ATP10B: variants seen among roughly 807,000 people sequenced by gnomAD.
ATP10B encodes the protein ATPase phospholipid transporting 10B (putative), also known as phospholipid-transporting ATPase VB.
In ATP10B, 122 loss-of-function variants were observed where a neutral mutation model predicts 141.2. That is an observed-to-expected ratio of 0.86 (90% confidence interval 0.75 to 1.00). ATP10B has a LOEUF of 1.00. Ranked by LOEUF, ATP10B falls within the 50% of genes least tolerant of loss-of-function variation. The pLI, the probability that ATP10B is intolerant of heterozygous loss-of-function variation, is 0.00. For missense variants in ATP10B, 1,876 were observed against 1,825.3 expected (o/e 1.03, Z -0.51); for synonymous variants, 685 against 692.0 (o/e 0.99, Z 0.16).
At chr5:160,751,403 T>C (rs1768142110) in intron 2 of ATP10B, among the ~76,000 whole-genome samples, 2 of 152,244 alleles carry the variant, frequency 1.3e-5, no homozygotes, top group Admixed American at 6.5e-5. Flanking sequence ...TAATGTTGTT[T>C]TTCCCTCAAG....
At chr5:160,674,980 C>G (rs1397411065) in intron 6 of ATP10B, among the ~76,000 whole-genome samples, 2 of 152,210 alleles carry the variant, frequency 1.3e-5, no homozygotes, top group African/African-American at 2.4e-5. Context: ...GTCTCCTCCA[C>G]TGTCAGGACC....
At chr5:160,684,892 A>T (rs1397539598) in intron 6 of ATP10B, 1 of 703,322 alleles carries the variant, frequency 1.4e-6, no homozygotes, top group South Asian at 1.5e-5. Context: ...GTACCTCCGG[A>T]GGTCTTCCCA....
chr5:160,904,260 G>A, the ATP10B span, among the ~76,000 whole-genome samples: 1 of 152,112 alleles, frequency 6.6e-6, no homozygotes, highest in Non-Finnish European at 1.5e-5. Flanking sequence ...AGACTGCCAG[G>A]GTTTCCACTT....
At chr5:160,663,102 C>G (rs1762058325) in intron 7 of ATP10B, among the ~76,000 whole-genome samples, 1 of 152,104 alleles carries the variant, frequency 6.6e-6, no homozygotes, top group Non-Finnish European at 1.5e-5. Flanking sequence ...CCATCTCACA[C>G]CAGTTAGAAT....
intron 2 of ATP10B, among the ~76,000 whole-genome samples, chr5:160,719,421 T>A (rs899441638): frequency 2.0e-5 from 3 of 152,234 alleles, no homozygotes; most frequent in Non-Finnish European, 4.4e-5. Context: ...TGGCAATAAC[T>A]GCAACTACTT....
At chr5:160,584,715 T>C (rs904936757) in intron 24 of ATP10B, among the ~76,000 whole-genome samples, 6 of 152,246 alleles carry the variant, frequency 3.9e-5, no homozygotes, top group African/African-American at 1.2e-4. Flanking sequence ...TTGTGTCTTA[T>C]AGTTTTAGCT....
chr5:160,644,453 C>G (rs575134261), intron 8 of ATP10B, among the ~76,000 whole-genome samples: 37 of 152,190 alleles, frequency 2.4e-4, no homozygotes, highest in African/African-American at 8.7e-4. Flanking sequence ...GGGAGCTAGA[C>G]CATTAGAAGG....
chr5:160,664,920 G>C (rs1762230924), intron 7 of ATP10B, among the ~76,000 whole-genome samples: 1 of 152,104 alleles, frequency 6.6e-6, no homozygotes, highest in Non-Finnish European at 1.5e-5. Context: ...AAATTCCTAG[G>C]TTAAAACTCT....
intron 24 of ATP10B, 21 bp downstream of exon 24, chr5:160,589,571 A>C: frequency 6.3e-7 from 1 of 1,591,810 alleles, no homozygotes; most frequent in Non-Finnish European, 8.6e-7. Flanking sequence ...TTTGAAGCCA[A>C]AGGGGCTCTG....
chr5:160,593,317 T>C (rs140165449), intron 22 of ATP10B, among the ~76,000 whole-genome samples: 1,839 of 152,350 alleles, frequency 0.012, 36 homozygotes, highest in African/African-American at 0.042. Context: ...GGGTCTGGAT[T>C]GGACCTCTAG....
chr5:160,655,094 G>C (rs1182427586), intron 7 of ATP10B, among the ~76,000 whole-genome samples: 1 of 152,142 alleles, frequency 6.6e-6, no homozygotes, highest in African/African-American at 2.4e-5. Flanking sequence ...TCCTCTGAAG[G>C]ACTTAATGAA....
the ATP10B span, among the ~76,000 whole-genome samples, chr5:160,884,258 T>C: frequency 2.6e-5 from 4 of 152,116 alleles, no homozygotes; most frequent in Non-Finnish European, 4.4e-5. Flanking sequence ...CTTGTTGAAA[T>C]AAACCCAATG....
chr5:160,596,804 G>A (rs1226600517), intron 22 of ATP10B, among the ~76,000 whole-genome samples: 1 of 152,174 alleles, frequency 6.6e-6, no homozygotes, highest in Non-Finnish European at 1.5e-5. Context: ...TTGCTTCAAA[G>A]AGAATAAAAT....
the ATP10B span, among the ~76,000 whole-genome samples, chr5:160,879,623 G>T: frequency 6.6e-6 from 1 of 151,744 alleles, no homozygotes. Context: ...TGGACGGTGA[G>T]GTCAAGAGAT....
At chr5:160,777,815 T>A (rs1291543138) in intron 2 of ATP10B, among the ~76,000 whole-genome samples, 7 of 152,204 alleles carry the variant, frequency 4.6e-5, no homozygotes, top group African/African-American at 1.7e-4. Context: ...TATTCATCTA[T>A]AAGGAGCTGT....
At chr5:160,734,106 CAAAAAAAA>C (rs34655958) in intron 2 of ATP10B, among the ~76,000 whole-genome samples, 2 of 67,924 alleles carry the variant, frequency 2.9e-5, no homozygotes, top group Non-Finnish European at 5.5e-5. Flanking sequence ...GACTCCATCT[CAAAAAAAA>C]AAAAAAAAAA....
At chr5:160,802,985 A>T (rs1052582171) in intron 1 of ATP10B, among the ~76,000 whole-genome samples, 3 of 152,084 alleles carry the variant, frequency 2.0e-5, no homozygotes, top group Non-Finnish European at 4.4e-5. Flanking sequence ...AGAAGGAAGG[A>T]GTTACTTCCA....
the ATP10B span, among the ~76,000 whole-genome samples, chr5:160,859,497 C>T: frequency 6.6e-6 from 1 of 151,466 alleles, no homozygotes; most frequent in Non-Finnish European, 1.5e-5. Flanking sequence ...AAAGCACAGG[C>T]CCCCTCCCCA....
Position 160,617,918 on chromosome 5 carries a change from C to T in ATP10B, c.2472G>A (p.Lys824=). The T allele has an allele frequency of 6.2e-7, 1 of 1,614,188 alleles. No homozygotes were observed. The highest frequency in any genetic ancestry group is 8.5e-7 in the Non-Finnish European group (1 of 1,179,998). The change falls in exon 16 of 26, where the codon AAG becomes AAA. Residue 824 remains lysine (K), a synonymous_variant. Transcript: ENST00000327245. ...KLRKIRARTQ[K]HLDLYARDGL... is the part of the protein sequence containing the mutation. ...CATCTCTTGCATACAAGTCTAGATG[C>T]TTTTGGGTCCGGGCTCGGATTTTTC...
Sources: allele counts gnomAD v4.1 joint callset (sites outside exome capture counted in the v4.1 genomes callset), GRCh38; gene constraint gnomAD v4.1.1; transcripts MANE v1.5; gene names NCBI Gene and HGNC (gene_info 2026-07-23, HGNC 2026-07-21).